Variants in MYRIP observed in about 807,000 individuals in gnomAD.
MYRIP encodes rab effector MyRIP.
In MYRIP, 49 loss-of-function variants were observed where a neutral mutation model predicts 98.0. The observed-to-expected ratio is 0.50, with a 90% CI of 0.40 to 0.63. The LOEUF (loss-of-function observed/expected upper bound fraction) is 0.63, where lower values mean the gene tolerates loss of function less well. MYRIP is among the 30% of genes least tolerant of loss of function. MYRIP has a pLI of 0.00. For missense variants in MYRIP, 1,004 were observed against 1,058.2 expected (o/e 0.95, Z 0.71); for synonymous variants, 404 against 409.5 (o/e 0.99, Z 0.16).
intron 1 of MYRIP, among the ~76,000 whole-genome samples, chr3:39,832,971 A>G (rs1424985787): frequency 2.6e-5 from 4 of 152,232 alleles, no homozygotes; most frequent in African/African-American, 9.6e-5. Context: ...AATAGCACCA[A>G]ATTGGAATCA....
intron 1 of MYRIP, among the ~76,000 whole-genome samples, chr3:39,890,987 T>G (rs1163436637): frequency 6.6e-6 from 1 of 152,066 alleles, no homozygotes; most frequent in Non-Finnish European, 1.5e-5. Context: ...TTATCTCCTC[T>G]TCCTCCCACT....
chr3:39,974,841 ATTCAACAAC>A (rs1945703088), intron 2 of MYRIP, among the ~76,000 whole-genome samples: 1 of 152,062 alleles, frequency 6.6e-6, no homozygotes. Flanking sequence ...CTTCGAAAAA[ATTCAACAAC>A]CCTTCATGCT....
chr3:39,816,499 G>A (rs1277208167), intron 1 of MYRIP, among the ~76,000 whole-genome samples: 2 of 152,176 alleles, frequency 1.3e-5, no homozygotes, highest in Non-Finnish European at 2.9e-5. Flanking sequence ...CAGACTGACT[G>A]AAGAGTTTAC....
At chr3:40,180,142 C>A (rs1341103559) in intron 8 of MYRIP, among the ~76,000 whole-genome samples, 1 of 152,146 alleles carries the variant, frequency 6.6e-6, no homozygotes, top group Non-Finnish European at 1.5e-5. Context: ...TGACACTCAG[C>A]CAAAAGCCAC....
chr3:39,932,234 G>A lies in MYRIP; in HGVS notation c.110+31308G>A, dbSNP rs145646384. ...CTTGTCTTACCTGGTGATGGAAAGA[G>A]CAGTAGGATCCTGTATAAGGAGGCT... On this transcript the variant is annotated intron_variant, in intron 2 of 16. Transcript: ENST00000302541. Among the ~76,000 whole-genome samples the A allele has an allele frequency of 6.3e-3, 966 of 152,326 alleles. 4 individuals are homozygous for A. Among genetic ancestry groups the A allele is most frequent in the African/African-American group, 0.021 (875 of 41,576 alleles).
intron 1 of MYRIP, among the ~76,000 whole-genome samples, chr3:39,815,011 A>G (rs2125564619): frequency 6.6e-6 from 1 of 152,330 alleles, no homozygotes; most frequent in East Asian, 1.9e-4. Context: ...CAGTTGAGGT[A>G]TAAGTCACAT....
intron 2 of MYRIP, among the ~76,000 whole-genome samples, chr3:39,912,820 A>G (rs1346556847): frequency 6.6e-5 from 10 of 152,196 alleles, no homozygotes; most frequent in Non-Finnish European, 1.5e-4. Context: ...CAGGCAGATC[A>G]CCTGAGGTCA....
intron 4 of MYRIP, among the ~76,000 whole-genome samples, chr3:40,157,952 G>A (rs184340773): frequency 6.6e-6 from 1 of 152,092 alleles, no homozygotes. Context: ...ACCAGCTCCT[G>A]GATTCATTTA....
At chr3:39,877,029 C>G (rs558283193) in intron 1 of MYRIP, among the ~76,000 whole-genome samples, 1 of 152,270 alleles carries the variant, frequency 6.6e-6, no homozygotes, top group Admixed American at 6.5e-5. Context: ...TTCTTGGAGG[C>G]TTTGCTTGTT....
At chr3:39,901,997 G>A (rs993639795) in intron 2 of MYRIP, among the ~76,000 whole-genome samples, 1 of 152,108 alleles carries the variant, frequency 6.6e-6, no homozygotes, top group Admixed American at 6.6e-5. Context: ...GAGTGAGAAA[G>A]GGCATGAGTA....
At chr3:39,815,289 T>C (rs1312033898) in intron 1 of MYRIP, among the ~76,000 whole-genome samples, 1 of 152,210 alleles carries the variant, frequency 6.6e-6, no homozygotes. Flanking sequence ...ATACAGTATG[T>C]GGCATTTTGT....
chr3:39,881,560 A>G (rs1943155609), intron 1 of MYRIP, among the ~76,000 whole-genome samples: 1 of 152,128 alleles, frequency 6.6e-6, no homozygotes, highest in Non-Finnish European at 1.5e-5. Context: ...CAGAGGCCTC[A>G]ATGTTCTTGA....
intron 8 of MYRIP, among the ~76,000 whole-genome samples, chr3:40,176,908 C>CAAAAAAAA (rs143992737): frequency 1.8e-5 from 2 of 109,164 alleles, no homozygotes; most frequent in African/African-American, 7.9e-5. Context: ...AACTCCATCT[C>CAAAAAAAA]AAAAAAAAAA....
chr3:40,040,838 G>A lies in MYRIP; in HGVS notation c.111-3212G>A, dbSNP rs1430723558. ...ACACTCTGGGGACTGTGGTGGGGTC[G>A]GGGGAGGGGGGAGGGATAGCATTGG... is the stretch of plus-strand genomic sequence containing the variant. On this transcript the variant is annotated intron_variant, in intron 2 of 16. Transcript: ENST00000302541. Among the ~76,000 whole-genome samples the A allele has an allele frequency of 6.4e-5, 3 of 46,916 alleles. No individual in the cohort carries two copies. In the East Asian group the frequency reaches 1.5e-3, roughly 24 times the overall value. 30.8% of individuals were successfully genotyped at this position (46,916 alleles called of 152,430 possible). A position where few individuals can be genotyped will look rare whatever the true frequency, so the allele number is the denominator to read the frequency against.
chr3:39,977,780 T>G (rs944947206), intron 2 of MYRIP, among the ~76,000 whole-genome samples: 5 of 152,148 alleles, frequency 3.3e-5, no homozygotes, highest in African/African-American at 1.2e-4. Flanking sequence ...CTTTGTAATT[T>G]CTTCAGACCC....
chr3:40,152,709 C>A lies in MYRIP; in HGVS notation c.469+1525C>A, dbSNP rs563888978. 3.3e-5 allele frequency among the ~76,000 whole-genome samples: 5 copies of A among 152,326 alleles called. No homozygotes were observed. In the South Asian group the frequency reaches 8.3e-4, roughly 25 times the overall value. ...ATTGCATTCAGGATTACACAGCTGC[C>A]TCTCCTGCCAGACTGTGATATGCAG... On this transcript the variant is annotated intron_variant, in intron 4 of 16. Transcript: ENST00000302541.
intron 10 of MYRIP, among the ~76,000 whole-genome samples, chr3:40,196,984 A>G (rs1445442932): frequency 6.6e-6 from 1 of 152,100 alleles, no homozygotes; most frequent in Non-Finnish European, 1.5e-5. Context: ...CACATTCTCT[A>G]CCTTATCCCT....
intron 1 of MYRIP, among the ~76,000 whole-genome samples, chr3:39,841,241 T>C (rs1941790380): frequency 6.6e-6 from 1 of 152,090 alleles, no homozygotes; most frequent in Non-Finnish European, 1.5e-5. Flanking sequence ...TTCTGCTTGA[T>C]CAATTTGGCT....
chr3:40,243,641 T>C (rs546089181), intron 12 of MYRIP, among the ~76,000 whole-genome samples: 3 of 152,336 alleles, frequency 2.0e-5, no homozygotes, highest in Non-Finnish European at 4.4e-5. Flanking sequence ...ATGTTGTTGG[T>C]TGCTTCATCA....
Sources: gnomAD v4.1 joint callset for allele counts (sites outside exome capture counted in the v4.1 genomes callset) on GRCh38, gnomAD v4.1.1 for gene constraint, MANE v1.5 for transcripts, NCBI Gene and HGNC (gene_info 2026-07-23, HGNC 2026-07-21) for gene names.